Variants in RLIM observed in about 807,000 individuals in gnomAD.
The protein encoded by RLIM is E3 ubiquitin-protein ligase RLIM.
In RLIM, 2 loss-of-function variants were observed where a neutral mutation model predicts 34.0. The ratio of observed to expected loss-of-function variants is 0.06; its 90% CI spans 0.02 to 0.19. The LOEUF (loss-of-function observed/expected upper bound fraction) is 0.19, where lower values mean the gene tolerates loss of function less well. Among genes scored for constraint, RLIM ranks in the 10% least tolerant of loss-of-function variants. The pLI, the probability that RLIM is intolerant of heterozygous loss-of-function variation, is 1.00. For synonymous variants in RLIM, 169 were observed against 164.0 expected (o/e 1.03, Z -0.23); for missense variants, 286 against 479.7 (o/e 0.60, Z 3.77).
At chrX:74,613,122 G>T (rs766213028) in intron 1 of RLIM, among the ~76,000 whole-genome samples, 5 of 110,906 alleles carry the variant, frequency 4.5e-5, no homozygotes, top group Non-Finnish European at 7.6e-5. Flanking sequence ...AAGTCATGGG[G>T]GGGGAGGGGT....
At chrX:74,597,401 C>A (rs1048551214) in intron 1 of RLIM, among the ~76,000 whole-genome samples, 1 of 111,759 alleles carries the variant, frequency 8.9e-6, no homozygotes, top group Non-Finnish European at 1.9e-5. Flanking sequence ...GTAACTGATA[C>A]TACTTAAGTT....
intron 1 of RLIM, 35 bp downstream of exon 1, chrX:74,614,387 A>C (rs2079728382): frequency 8.9e-6 from 1 of 111,992 alleles, no homozygotes; most frequent in African/African-American, 3.2e-5. Context: ...CTCGCTCTAC[A>C]TCATTTCTCA....
chrX:74,606,404 C>T (rs2079682325), intron 1 of RLIM, among the ~76,000 whole-genome samples: 1 of 111,325 alleles, frequency 9.0e-6, no homozygotes, highest in South Asian at 3.7e-4. Context: ...AACACCAACC[C>T]TGAGATTTAT....
chrX:74,586,785 T>C lies in RLIM; in HGVS notation c.*4655A>G, dbSNP rs945393410. The C allele has an allele frequency of 2.7e-5, 3 of 112,859 alleles. No individual in the cohort carries two copies. Among genetic ancestry groups the C allele is most frequent in the Admixed American group, 1.9e-4 (2 of 10,638 alleles). The allele number at this position is 112,859 out of a possible 1,213,427, so 9.3% of individuals were successfully genotyped here. A position where few individuals can be genotyped will look rare whatever the true frequency, so the allele number is the denominator to read the frequency against. The stretch of plus-strand genomic sequence containing the variant: ...TTAACTCATAGCTGTTTTAGTTGAT[T>C]AAAAAATCTGATTTAAAAATAAGTA... On this transcript the variant is annotated 3_prime_UTR_variant, in exon 4 of 4. Transcript: ENST00000332687.
In RLIM at chrX:74,584,693, C is replaced by T. The variant is rs1394855912; in HGVS notation, c.*6747G>A. On this transcript the variant is annotated 3_prime_UTR_variant, in exon 4 of 4. Transcript: ENST00000332687. The stretch of plus-strand genomic sequence containing the variant: ...CCGGGCTCAAGTGATTCTACCACCT[C>T]AGCCTCCCAAGTAGCTGGGACCACA... Among the ~76,000 whole-genome samples the T allele has an allele frequency of 1.8e-5, 2 of 111,305 alleles. No homozygotes were observed. Among genetic ancestry groups the T allele is most frequent in the Non-Finnish European group, 3.8e-5 (2 of 53,100 alleles).
intron 1 of RLIM, among the ~76,000 whole-genome samples, chrX:74,610,079 G>C (rs949729002): frequency 8.9e-6 from 1 of 112,272 alleles, no homozygotes; most frequent in African/African-American, 3.2e-5. Context: ...CAGATTATTT[G>C]TCTCACAGAT....
chrX:74,608,380 T>A (rs1236236865), intron 1 of RLIM, among the ~76,000 whole-genome samples: 1 of 106,896 alleles, frequency 9.4e-6, no homozygotes, highest in East Asian at 2.9e-4. Context: ...TGTACTTCTA[T>A]CTCCACTCAC....
At chrX:74,606,396 C>T (rs2079682296) in intron 1 of RLIM, among the ~76,000 whole-genome samples, 1 of 111,505 alleles carries the variant, frequency 9.0e-6, no homozygotes, top group Non-Finnish European at 1.9e-5. Flanking sequence ...CCAGCAAGAA[C>T]ACCAACCCTG....
chrX:74,588,461 A>G lies in RLIM; in HGVS notation c.*2979T>C, dbSNP rs2147369970. Reference sequence around the variant, plus strand: ...ACTTCATCCTGGGCAACCAAGTAAGACTCTGTCTCAAAAAAACAAAACAAA... The same window carrying G: ...ACTTCATCCTGGGCAACCAAGTAAGGCTCTGTCTCAAAAAAACAAAACAAA... On this transcript the variant is annotated 3_prime_UTR_variant, in exon 4 of 4. Transcript: ENST00000332687. 9.0e-6 allele frequency: 1 copy of G among 111,446 alleles called. No individual in the cohort carries two copies. Among genetic ancestry groups the G allele is most frequent in the South Asian group, 3.7e-4 (1 of 2,686 alleles). 9.2% of individuals were successfully genotyped at this position (111,446 alleles called of 1,213,427 possible). A position where few individuals can be genotyped will look rare whatever the true frequency, so the allele number is the denominator to read the frequency against.
chrX:74,597,307 T>C (rs912094934), intron 1 of RLIM, among the ~76,000 whole-genome samples: 1 of 112,160 alleles, frequency 8.9e-6, no homozygotes, highest in Non-Finnish European at 1.9e-5. Flanking sequence ...GCTGGGAATA[T>C]TGAAAAGCAA....
At chrX:74,600,113 T>TG (rs745470314) in intron 1 of RLIM, among the ~76,000 whole-genome samples, 2 of 110,066 alleles carry the variant, frequency 1.8e-5, no homozygotes, top group East Asian at 2.8e-4. Flanking sequence ...AATGTGGTGG[T>TG]GGGGGGGAGA....
At chrX:74,608,074 G>GA (rs2079690411) in intron 1 of RLIM, among the ~76,000 whole-genome samples, 1 of 111,724 alleles carries the variant, frequency 9.0e-6, no homozygotes, top group Non-Finnish European at 1.9e-5. Context: ...GTAGCAGGGT[G>GA]AAACTCAGCT....
At position 74,595,985 on chromosome X, in the gene RLIM, A is replaced by T; in HGVS notation, c.-8T>A. The T allele has an allele frequency of 8.7e-7, 1 of 1,144,890 alleles. No homozygotes were observed. The highest frequency in any genetic ancestry group is 1.2e-6 in the Non-Finnish European group (1 of 855,612). 94.4% of individuals were successfully genotyped at this position (1,144,890 alleles called of 1,213,427 possible). ...GGAATCTGAGTTTTCCATATTGATG[A>T]ACAAGTGGAAAATACCTGAAAAGAG... On this transcript the variant is annotated 5_prime_UTR_variant, in exon 2 of 4. Coordinates refer to ENST00000332687, the MANE Select transcript of RLIM (RefSeq NM_016120.4).
rs2079623380 is a variant in RLIM at position 74,592,986 on chromosome X, T to C, written c.329A>G (p.Asn110Ser). 4.1e-6 allele frequency: 5 copies of C among 1,210,820 alleles called. No individual in the cohort carries two copies. Among genetic ancestry groups the C allele is most frequent in the Non-Finnish European group, 5.6e-6 (5 of 894,555 alleles). ...TCCTCTTTGCCCACTTCTTGTTGTA[T>C]TTCCAGTTTGTCTGACAGAGTTAAG... ...DWLNSVRQTGNTTRSGQRGNQ... is the reference protein window; with the variant it reads ...DWLNSVRQTGSTTRSGQRGNQ... Residue 110 changes from asparagine to serine, a missense_variant, in exon 4 of 4, where the codon AAT becomes AGT. Asn to Ser is a conservative substitution (Grantham distance 46). Coordinates refer to ENST00000332687, the MANE Select transcript of RLIM (RefSeq NM_016120.4).
At chrX:74,594,445 T>C in intron 2 of RLIM, 56 bp from the exon 3 acceptor site, 1 of 741,064 alleles carries the variant, frequency 1.3e-6, no homozygotes, top group Non-Finnish European at 2.0e-6. Flanking sequence ...AATCAAATAC[T>C]TTATCAGTGA....
intron 2 of RLIM, 60 bp from the exon 3 acceptor site, chrX:74,594,449 T>C: frequency 5.6e-6 from 4 of 719,419 alleles, no homozygotes; most frequent in Non-Finnish European, 8.1e-6. Context: ...AAATACTTTA[T>C]CAGTGACTCA....
At chrX:74,609,980 A>C (rs944631685) in intron 1 of RLIM, among the ~76,000 whole-genome samples, 4 of 112,294 alleles carry the variant, frequency 3.6e-5, no homozygotes, top group African/African-American at 1.3e-4. Context: ...TTAGACTCTC[A>C]AATGTTATAA....
intron 1 of RLIM, among the ~76,000 whole-genome samples, chrX:74,606,754 A>T (rs2079683842): frequency 8.9e-6 from 1 of 111,901 alleles, no homozygotes; most frequent in Non-Finnish European, 1.9e-5. Flanking sequence ...AATACTGTTA[A>T]TAAAACAGAC....
In RLIM at chrX:74,591,383, G is replaced by A. The variant is rs2079612254; in HGVS notation, c.*57C>T. On this transcript the variant is annotated 3_prime_UTR_variant, in exon 4 of 4. Transcript: ENST00000332687. ...ACTCAAAAAGTGGACATAAAAGCAAGTGATTCCTGTTTGCCCATCACTATA... is the reference window on the plus strand; with the variant it reads ...ACTCAAAAAGTGGACATAAAAGCAAATGATTCCTGTTTGCCCATCACTATA... 1.2e-5 allele frequency: 12 copies of A among 976,160 alleles called. No homozygotes were observed. Among genetic ancestry groups the A allele is most frequent in the African/African-American group, 1.9e-5 (1 of 52,041 alleles). 80.4% of individuals were successfully genotyped at this position (976,160 alleles called of 1,213,427 possible).
Sources: gnomAD v4.1 joint callset for allele counts (sites outside exome capture counted in the v4.1 genomes callset) on GRCh38, gnomAD v4.1.1 for gene constraint, MANE v1.5 for transcripts, NCBI Gene and HGNC (gene_info 2026-07-23, HGNC 2026-07-21) for gene names.